Variants in ZC3HAV1 observed in about 807,000 individuals in gnomAD.
The protein encoded by ZC3HAV1 is zinc finger CCCH-type containing, antiviral 1.
A neutral mutation model predicts 86.6 loss-of-function variants in ZC3HAV1; 41 were observed. The ratio of observed to expected loss-of-function variants is 0.47; its 90% CI spans 0.37 to 0.61. The LOEUF (loss-of-function observed/expected upper bound fraction) is 0.61, where lower values mean the gene tolerates loss of function less well. Among genes scored for constraint, ZC3HAV1 ranks in the 20% least tolerant of loss-of-function variants. ZC3HAV1 has a pLI of 0.00. For synonymous variants in ZC3HAV1, 421 were observed against 432.1 expected (o/e 0.97, Z 0.32); for missense variants, 964 against 1,141.1 (o/e 0.84, Z 2.24).
intron 12 of ZC3HAV1, among the ~76,000 whole-genome samples, chr7:139,049,229 A>G (rs1266198014): frequency 6.7e-6 from 1 of 148,782 alleles, no homozygotes; most frequent in African/African-American, 2.5e-5. Flanking sequence ...GGCTCACTGC[A>G]GCCTTGATAT....
intron 2 of ZC3HAV1, among the ~76,000 whole-genome samples, chr7:139,084,321 A>T (rs1401897954): frequency 2.0e-5 from 3 of 152,234 alleles, no homozygotes; most frequent in Non-Finnish European, 4.4e-5. Context: ...TGAGCCCTAT[A>T]TCATGAAGGA....
intron 2 of ZC3HAV1, 89 bp downstream of exon 2, chr7:139,089,535 T>G (rs562277080): frequency 1.4e-6 from 2 of 1,448,192 alleles, no homozygotes; most frequent in South Asian, 1.5e-5. Flanking sequence ...GCATTAATTT[T>G]GAATTTTCTC....
chr7:139,102,728 TAC>T (rs113108708), intron 1 of ZC3HAV1, among the ~76,000 whole-genome samples: 10,552 of 139,192 alleles, frequency 0.076, 533 homozygotes, highest in African/African-American at 0.15. Context: ...ACTGTCTCTA[TAC>T]ACACACACAC....
chr7:139,064,932 C>T lies in ZC3HAV1; in HGVS notation c.1940G>A (p.Arg647Lys), dbSNP rs762188555. 26 of 1,614,188 alleles carry T rather than the reference C, an allele frequency of 1.6e-5. 1 individual carries two copies. In the South Asian group the frequency reaches 2.7e-4, roughly 17 times the overall value. Reference sequence around the variant, plus strand: ...GCCCGCCTGAAATGGCACAACTCCCCTCGGACAGGATTGATAGAGAGACTC... The same window carrying T: ...GCCCGCCTGAAATGGCACAACTCCCTTCGGACAGGATTGATAGAGAGACTC... ...YLESLYQSCP[R>K]GVVPFQAGSR... Residue 647 changes from arginine (R) to lysine (K), a missense_variant, in exon 8 of 13, where the codon AGG becomes AAG. Transcript: ENST00000242351.
chr7:139,075,588 T>A (rs1816917726), intron 6 of ZC3HAV1, among the ~76,000 whole-genome samples: 1 of 152,112 alleles, frequency 6.6e-6, no homozygotes, highest in African/African-American at 2.4e-5. Context: ...CACAGGTGCG[T>A]GCTACCATGC....
At chr7:139,089,510 A>G in intron 2 of ZC3HAV1, 114 bp downstream of exon 2, 1 of 1,333,052 alleles carries the variant, frequency 7.5e-7, no homozygotes, top group African/African-American at 1.5e-5. Flanking sequence ...CTCGACTACC[A>G]CCTGCAGAAC....
At chr7:139,081,772 T>C (rs1031844053) in intron 3 of ZC3HAV1, among the ~76,000 whole-genome samples, 2 of 152,184 alleles carry the variant, frequency 1.3e-5, no homozygotes, top group Non-Finnish European at 2.9e-5. Context: ...GGAACAATGA[T>C]GAAATATTTA....
chr7:139,084,277 A>G (rs1280611593), intron 2 of ZC3HAV1, among the ~76,000 whole-genome samples: 1 of 152,222 alleles, frequency 6.6e-6, no homozygotes, highest in African/African-American at 2.4e-5. Context: ...GGAAGAATCA[A>G]TGTAAGCTGG....
At chr7:139,104,576 A>T (rs1584877578) in intron 1 of ZC3HAV1, among the ~76,000 whole-genome samples, 2 of 152,078 alleles carry the variant, frequency 1.3e-5, no homozygotes, top group Admixed American at 1.3e-4. Flanking sequence ...AAAAAAAATT[A>T]GCCAGGCGTG....
At position 139,108,957 on chromosome 7, in the gene ZC3HAV1, T is replaced by G. The variant is rs1204788296; in HGVS notation, c.308+67A>C. ...GCGAAGCCGTGCCCCTCCCAGAACA[T>G]TGCCCGCCTGGACAGTCCACCCCGA... On this transcript the variant is annotated intron_variant, in intron 1 of 12. Coordinates refer to ENST00000242351, the MANE Select transcript of ZC3HAV1 (RefSeq NM_020119.4). The surrounding 1 kb of genome is among the most constrained non-coding windows in gnomAD (Gnocchi z 4.2). The G allele has an allele frequency of 1.4e-6, 2 of 1,471,690 alleles. No individual in the cohort carries two copies. The highest frequency in any genetic ancestry group is 2.8e-5 in the African/African-American group (2 of 71,220). 91.2% of individuals were successfully genotyped at this position (1,471,690 alleles called of 1,614,324 possible).
In ZC3HAV1 at chr7:139,074,574, A is replaced by C. The variant is rs189651428; in HGVS notation, c.1698-544T>G. Among the ~76,000 whole-genome samples the C allele has an allele frequency of 1.1e-3, 163 of 152,150 alleles. 2 individuals carry two copies. Among genetic ancestry groups the C allele is most frequent in the African/African-American group, 3.7e-3 (153 of 41,550 alleles). ...TATGAGAATCTAGTTATCTTCTATT[A>C]TGCCAGACATTAATTTGCAAAAATA... is the stretch of plus-strand genomic sequence containing the variant. On this transcript the variant is annotated intron_variant, in intron 6 of 12. Coordinates refer to ENST00000242351, the MANE Select transcript of ZC3HAV1 (RefSeq NM_020119.4).
At chr7:139,103,026 A>G (rs1817821796) in intron 1 of ZC3HAV1, among the ~76,000 whole-genome samples, 2 of 150,012 alleles carry the variant, frequency 1.3e-5, no homozygotes, top group African/African-American at 4.9e-5. Context: ...TAATACAAAA[A>G]CTTTAAAATT....
chr7:139,100,628 C>A (rs1364628715), intron 1 of ZC3HAV1, among the ~76,000 whole-genome samples: 1 of 152,196 alleles, frequency 6.6e-6, no homozygotes, highest in African/African-American at 2.4e-5. Flanking sequence ...TAAAAGCTGA[C>A]GATACCACTT....
At position 139,076,419 on chromosome 7, in the gene ZC3HAV1, C is replaced by T. The variant is rs370857196; in HGVS notation, c.1574-10G>A. 16 of 1,613,746 alleles carry T rather than the reference C, an allele frequency of 9.9e-6. No homozygotes were observed. In the African/African-American group the frequency reaches 2.0e-4, roughly 20 times the overall value. On this transcript the variant is annotated splice_polypyrimidine_tract_variant and intron_variant, in intron 5 of 12. Coordinates refer to ENST00000242351, the MANE Select transcript of ZC3HAV1 (RefSeq NM_020119.4). ...ACTTTGCTGCAGCTACCTACAAAGACAAAGAAGGGGTCTGAGGGACTGTTG... is the reference window on the plus strand; with the variant it reads ...ACTTTGCTGCAGCTACCTACAAAGATAAAGAAGGGGTCTGAGGGACTGTTG...
intron 7 of ZC3HAV1, among the ~76,000 whole-genome samples, chr7:139,070,677 A>C (rs1443633131): frequency 1.3e-5 from 2 of 148,726 alleles, no homozygotes; most frequent in Non-Finnish European, 3.0e-5. Context: ...AAAAAAAAAA[A>C]AAAAAACCTC....
rs751872093 is a variant in ZC3HAV1 at position 139,109,313 on chromosome 7, A to C, written c.19T>G (p.Cys7Gly). The C allele has an allele frequency of 6.2e-7, 1 of 1,601,382 alleles. No individual in the cohort carries two copies. The highest frequency in any genetic ancestry group is 1.7e-5 in the Admixed American group (1 of 59,382). The change falls in exon 1 of 13, where the codon TGC becomes GGC. Residue 7 changes from cysteine to glycine, a missense_variant. Transcript: ENST00000242351. MADPEV[C>G]CFITKILCAH... ...CACAGGATTTTGGTGATGAAGCAGC[A>C]CACCTCCGGGTCCGCCATGGCGCGC... is the stretch of plus-strand genomic sequence containing the variant.
intron 7 of ZC3HAV1, among the ~76,000 whole-genome samples, chr7:139,068,249 G>A (rs980241765): frequency 2.6e-5 from 4 of 151,602 alleles, no homozygotes; most frequent in African/African-American, 9.7e-5. Flanking sequence ...TAGTAGAGAC[G>A]GGGTTTCACC....
At chr7:139,075,235 C>A (rs1362096748) in intron 6 of ZC3HAV1, among the ~76,000 whole-genome samples, 1 of 152,122 alleles carries the variant, frequency 6.6e-6, no homozygotes, top group Admixed American at 6.6e-5. Flanking sequence ...GCTCATGTCG[C>A]CCTCTAGTGG....
chr7:139,072,682 A>C (rs1435879872), intron 7 of ZC3HAV1, among the ~76,000 whole-genome samples: 1 of 152,066 alleles, frequency 6.6e-6, no homozygotes, highest in Non-Finnish European at 1.5e-5. Context: ...TGCCCCCACT[A>C]TGGGTCAGCC....
Sources: allele counts gnomAD v4.1 joint callset (sites outside exome capture counted in the v4.1 genomes callset), GRCh38; gene constraint gnomAD v4.1.1; non-coding constraint Gnocchi (gnomAD v3.1); transcripts MANE v1.5; gene names NCBI Gene and HGNC (gene_info 2026-07-23, HGNC 2026-07-21).